AGBL4: variants seen among roughly 807,000 people sequenced by gnomAD.
The protein encoded by AGBL4 is cytosolic carboxypeptidase 6.
AGBL4 carries 58 observed loss-of-function variants against 66.4 expected under a neutral mutation model. The ratio of observed to expected loss-of-function variants is 0.87; its 90% CI spans 0.71 to 1.09. AGBL4 has a LOEUF of 1.09. Ranked by LOEUF, AGBL4 falls within the 50% of genes least tolerant of loss-of-function variation. The pLI, the probability that AGBL4 is intolerant of heterozygous loss-of-function variation, is 0.00. For missense variants in AGBL4, 579 were observed against 631.0 expected, an observed-to-expected ratio of 0.92 and a Z score of 0.88; for synonymous variants, 234 against 222.9, an observed-to-expected ratio of 1.05 and a Z score of -0.44.
At chr1:48,980,791 A>C in intron 5 of AGBL4, among the ~76,000 whole-genome samples, 1 of 135,868 alleles carries the variant, frequency 7.4e-6, no homozygotes. Context: ...AGTTGAAAGT[A>C]ATCTGAAGTC....
At chr1:48,912,588 G>A (rs1653233532) in intron 5 of AGBL4, among the ~76,000 whole-genome samples, 1 of 152,182 alleles carries the variant, frequency 6.6e-6, no homozygotes, top group African/African-American at 2.4e-5. Flanking sequence ...CCAGCCCACT[G>A]CCAATGGACT....
intron 6 of AGBL4, among the ~76,000 whole-genome samples, chr1:48,694,891 A>C (rs374796337): frequency 3.9e-5 from 6 of 152,268 alleles, no homozygotes; most frequent in African/African-American, 1.4e-4. Context: ...ACCTCTGTAC[A>C]GCCCTCATCC....
intron 3 of AGBL4, among the ~76,000 whole-genome samples, chr1:49,686,288 A>G (rs1397751868): frequency 1.3e-5 from 2 of 152,102 alleles, no homozygotes; most frequent in Non-Finnish European, 2.9e-5. Context: ...AGCACCCTCC[A>G]TGGGAATGTT....
chr1:49,800,346 T>G (rs1644828849), intron 2 of AGBL4, among the ~76,000 whole-genome samples: 3 of 146,306 alleles, frequency 2.1e-5, no homozygotes, highest in African/African-American at 7.7e-5. Context: ...TTTTTTTTAT[T>G]TATTATTTTT....
chr1:49,696,879 A>G (rs1296010047), intron 3 of AGBL4, among the ~76,000 whole-genome samples: 1 of 152,182 alleles, frequency 6.6e-6, no homozygotes, highest in Non-Finnish European at 1.5e-5. Flanking sequence ...ATATTGTCTT[A>G]AAGATATAAA....
At chr1:49,658,687 G>T (rs1478610197) in intron 3 of AGBL4, among the ~76,000 whole-genome samples, 3 of 152,112 alleles carry the variant, frequency 2.0e-5, no homozygotes, top group African/African-American at 4.8e-5. Context: ...CATGAAAAAT[G>T]ATGAGTTCAT....
At chr1:49,851,374 G>C in intron 2 of AGBL4, 22 bp downstream of exon 2, 4 of 1,527,916 alleles carry the variant, frequency 2.6e-6, no homozygotes, top group African/African-American at 1.4e-5. Context: ...AACTTAAAAG[G>C]AAAAGCCTTT....
intron 3 of AGBL4, among the ~76,000 whole-genome samples, chr1:49,567,324 G>C (rs1644232648): frequency 6.6e-6 from 1 of 152,086 alleles, no homozygotes; most frequent in Admixed American, 6.5e-5. Context: ...CCACTTTCCG[G>C]CACTCCCCAG....
chr1:49,264,569 G>A (rs1653543402), intron 3 of AGBL4, among the ~76,000 whole-genome samples: 4 of 149,560 alleles, frequency 2.7e-5, no homozygotes, highest in Middle Eastern at 3.4e-3. Context: ...TTTTTGAGAC[G>A]GAGTCTCACT....
chr1:48,789,436 C>T (rs1016171746), intron 6 of AGBL4, among the ~76,000 whole-genome samples: 1 of 151,908 alleles, frequency 6.6e-6, no homozygotes, highest in Non-Finnish European at 1.5e-5. Flanking sequence ...CTACAGGCGC[C>T]CGCCACCACG....
chr1:49,004,037 G>A (rs1661591720), intron 5 of AGBL4, among the ~76,000 whole-genome samples: 1 of 152,160 alleles, frequency 6.6e-6, no homozygotes, highest in African/African-American at 2.4e-5. Flanking sequence ...CATTTAAACT[G>A]GGTGCTAATT....
intron 4 of AGBL4, among the ~76,000 whole-genome samples, chr1:49,076,078 C>T (rs1270666179): frequency 6.6e-6 from 1 of 152,174 alleles, no homozygotes; most frequent in Non-Finnish European, 1.5e-5. Context: ...TATATTTTCT[C>T]TTTTAAGTAG....
At chr1:48,954,314 T>C (rs946820311) in intron 5 of AGBL4, among the ~76,000 whole-genome samples, 1 of 152,232 alleles carries the variant, frequency 6.6e-6, no homozygotes, top group African/African-American at 2.4e-5. Context: ...TTTGATGCTC[T>C]AATTTATAGG....
intron 3 of AGBL4, among the ~76,000 whole-genome samples, chr1:49,254,838 T>C (rs1652347353): frequency 1.3e-5 from 2 of 152,034 alleles, no homozygotes; most frequent in Admixed American, 6.6e-5. Context: ...TGGAACAGAA[T>C]AGAGAACCCA....
At chr1:49,913,035 T>C (rs76416366) in intron 1 of AGBL4, among the ~76,000 whole-genome samples, 7 of 152,324 alleles carry the variant, frequency 4.6e-5, no homozygotes, top group East Asian at 3.9e-4. Flanking sequence ...ATTCAAACCA[T>C]AGCATTCATC....
chr1:49,697,800 A>G (rs1393005280), intron 2 of AGBL4, among the ~76,000 whole-genome samples: 4 of 152,188 alleles, frequency 2.6e-5, no homozygotes, highest in African/African-American at 9.6e-5. Flanking sequence ...ATAATACCTT[A>G]TGTATTTTGT....
intron 3 of AGBL4, among the ~76,000 whole-genome samples, chr1:49,426,520 G>C (rs927363924): frequency 3.9e-5 from 6 of 152,044 alleles, no homozygotes. Flanking sequence ...TAATTAATAA[G>C]AGCAATAGCT....
At chr1:49,504,357 G>C (rs902089524) in intron 3 of AGBL4, among the ~76,000 whole-genome samples, 3 of 152,062 alleles carry the variant, frequency 2.0e-5, no homozygotes, top group Admixed American at 2.0e-4. Flanking sequence ...GTGTGAGAAT[G>C]GACTAATAGT....
At chr1:48,591,510 A>G (rs755724064) in intron 9 of AGBL4, among the ~76,000 whole-genome samples, 16 of 152,228 alleles carry the variant, frequency 1.1e-4, no homozygotes, top group Non-Finnish European at 2.4e-4. Context: ...CTTATCTGAA[A>G]AACGAGTATT....
Sources: gnomAD v4.1 joint callset for allele counts (sites outside exome capture counted in the v4.1 genomes callset) on GRCh38, gnomAD v4.1.1 for gene constraint, MANE v1.5 for transcripts, NCBI Gene and HGNC (gene_info 2026-07-23, HGNC 2026-07-21) for gene names.